TAFA1: variants seen among roughly 807,000 people sequenced by gnomAD.
TAFA1 encodes chemokine-like protein TAFA-1.
TAFA1 carries 4 observed loss-of-function variants against 18.5 expected under a neutral mutation model. The observed-to-expected ratio is 0.22, with a 90% CI of 0.11 to 0.49. TAFA1 has a LOEUF of 0.49. Ranked by LOEUF, TAFA1 falls within the 20% of genes least tolerant of loss-of-function variation. TAFA1 has a pLI of 0.98. For synonymous variants in TAFA1, 56 were observed against 55.2 expected (o/e 1.01, Z -0.06); for missense variants, 147 against 169.0 (o/e 0.87, Z 0.72).
rs377737431 is a variant in TAFA1 at position 68,255,362 on chromosome 3, G to A, written c.119-161918G>A. 5.9e-4 allele frequency among the ~76,000 whole-genome samples: 89 copies of A among 151,928 alleles called. 1 individual carries two copies. The highest frequency in any genetic ancestry group is 1.8e-3 in the African/African-American group (76 of 41,456). ...ATAATCCATTTACATTTATTGGTTC[G>A]GTTCTGATTGCAGTAATCATTAAAT... On this transcript the variant is annotated intron_variant, in intron 2 of 4. Coordinates refer to ENST00000478136, the MANE Select transcript of TAFA1 (RefSeq NM_213609.4).
At chr3:68,111,776 GAGAA>G (rs752035868) in intron 2 of TAFA1, among the ~76,000 whole-genome samples, 433 of 19,298 alleles carry the variant, frequency 0.022, 2 homozygotes, top group South Asian at 0.12. Flanking sequence ...ACACACACAT[GAGAA>G]AGAGAGAGAG....
At chr3:68,041,492 A>G (rs1273926521) in intron 2 of TAFA1, among the ~76,000 whole-genome samples, 2 of 151,794 alleles carry the variant, frequency 1.3e-5, no homozygotes, top group Middle Eastern at 3.2e-3. Flanking sequence ...TTTTTCTCCC[A>G]TTTTCCTGAT....
At chr3:68,430,823 A>C (rs1259021291) in intron 3 of TAFA1, among the ~76,000 whole-genome samples, 1 of 151,964 alleles carries the variant, frequency 6.6e-6, no homozygotes, top group Non-Finnish European at 1.5e-5. Context: ...CACACACAGC[A>C]AACAAACAAA....
At chr3:68,293,509 A>G (rs1387608128) in intron 2 of TAFA1, among the ~76,000 whole-genome samples, 1 of 152,188 alleles carries the variant, frequency 6.6e-6, no homozygotes, top group African/African-American at 2.4e-5. Context: ...CAAGGACTCA[A>G]ACCCTATTGT....
chr3:68,288,120 C>G (rs1170690963), intron 2 of TAFA1, among the ~76,000 whole-genome samples: 1 of 152,092 alleles, frequency 6.6e-6, no homozygotes, highest in East Asian at 1.9e-4. Context: ...GATCTCCCCT[C>G]TCTTTTCATG....
chr3:68,375,160 A>G (rs2069784300), intron 2 of TAFA1, among the ~76,000 whole-genome samples: 1 of 152,066 alleles, frequency 6.6e-6, no homozygotes, highest in Non-Finnish European at 1.5e-5. Context: ...AAACATAAAT[A>G]GCCTTCTAGC....
chr3:68,380,115 G>T (rs1241576502), intron 2 of TAFA1, among the ~76,000 whole-genome samples: 4 of 152,108 alleles, frequency 2.6e-5, no homozygotes, highest in Non-Finnish European at 5.9e-5. Flanking sequence ...TTTTATGGCT[G>T]CATAGTATTC....
intron 2 of TAFA1, among the ~76,000 whole-genome samples, chr3:68,209,062 C>T (rs557388581): frequency 5.3e-5 from 8 of 152,034 alleles, no homozygotes; most frequent in Middle Eastern, 3.4e-3. Flanking sequence ...GGGAAACCCA[C>T]CCAATGACTA....
intron 2 of TAFA1, among the ~76,000 whole-genome samples, chr3:68,416,050 GA>G (rs2070831068): frequency 6.6e-6 from 1 of 152,158 alleles, no homozygotes. Flanking sequence ...CTTCCTACCT[GA>G]AAGATGCAAG....
rs540293631 is a variant in TAFA1, at chr3:68,238,260, G to A, written c.119-179020G>A. On this transcript the variant is annotated intron_variant, in intron 2 of 4. Transcript: ENST00000478136. ...GGCTGGTAACACCACTACCATTAGG[G>A]CTGAGGTAGGGGACCCCAGGAAGAA... Among the ~76,000 whole-genome samples the A allele has an allele frequency of 3.3e-5, 5 of 152,282 alleles. No homozygotes were observed. The East Asian group carries it at 7.7e-4, about 24-fold the overall frequency.
chr3:68,101,602 C>A (rs1241493816), intron 2 of TAFA1, among the ~76,000 whole-genome samples: 4 of 152,010 alleles, frequency 2.6e-5, no homozygotes, highest in African/African-American at 9.7e-5. Flanking sequence ...GTAGGAATAG[C>A]CTTCCATGTT....
intron 3 of TAFA1, among the ~76,000 whole-genome samples, chr3:68,462,920 T>C (rs2071813097): frequency 6.6e-6 from 1 of 152,216 alleles, no homozygotes; most frequent in Admixed American, 6.6e-5. Context: ...TGTTTACCAT[T>C]TAGTGAATTC....
intron 3 of TAFA1, among the ~76,000 whole-genome samples, chr3:68,460,409 T>G (rs915707787): frequency 1.3e-5 from 2 of 152,076 alleles, no homozygotes; most frequent in African/African-American, 4.8e-5. Flanking sequence ...GTATAAAGGA[T>G]TTTTATTTTT....
At chr3:68,191,262 TCAA>T (rs985049167) in intron 2 of TAFA1, among the ~76,000 whole-genome samples, 1 of 151,824 alleles carries the variant, frequency 6.6e-6, no homozygotes, top group Non-Finnish European at 1.5e-5. Context: ...TATGGAATCC[TCAA>T]CAACAAGGCA....
At chr3:68,342,306 G>A (rs1414540662) in intron 2 of TAFA1, among the ~76,000 whole-genome samples, 1 of 152,196 alleles carries the variant, frequency 6.6e-6, no homozygotes, top group South Asian at 2.1e-4. Flanking sequence ...GAACAACAAA[G>A]TGCTTGTCCA....
rs2073428437 is a variant in TAFA1, at chr3:68,544,680, A to G, written c.*177A>G. 2 of 614,156 alleles carry G rather than the reference A, an allele frequency of 3.3e-6. No individual in the cohort carries two copies. The highest frequency in any genetic ancestry group is 2.5e-5 in the South Asian group (1 of 40,056). The allele number at this position is 614,156 out of a possible 1,614,324, so 38.0% of individuals were successfully genotyped here. A position where few individuals can be genotyped will look rare whatever the true frequency, so the allele number is the denominator to read the frequency against. ...GAAATATCCTACAGTGAGAAGACAC[A>G]GCGTTTTGGCAACACCATGGAAAGT... On this transcript the variant is annotated 3_prime_UTR_variant, in exon 5 of 5. Coordinates refer to ENST00000478136, the MANE Select transcript of TAFA1 (RefSeq NM_213609.4).
chr3:68,280,921 G>A (rs545790238), intron 2 of TAFA1, among the ~76,000 whole-genome samples: 3 of 152,022 alleles, frequency 2.0e-5, no homozygotes, highest in African/African-American at 4.8e-5. Flanking sequence ...ACCTAATCTC[G>A]CTACTTTTTA....
At chr3:68,110,995 C>T (rs74514422) in intron 2 of TAFA1, among the ~76,000 whole-genome samples, 20 of 152,092 alleles carry the variant, frequency 1.3e-4, no homozygotes, top group Non-Finnish European at 2.4e-4. Context: ...TTGAATGCCC[C>T]CCTCCTCCCA....
chr3:68,216,925 T>C (rs1174084183), intron 2 of TAFA1, among the ~76,000 whole-genome samples: 1 of 151,970 alleles, frequency 6.6e-6, no homozygotes, highest in Non-Finnish European at 1.5e-5. Flanking sequence ...AATGATCGAA[T>C]AAATAAATGG....
Sources: allele counts gnomAD v4.1 joint callset (sites outside exome capture counted in the v4.1 genomes callset), GRCh38; gene constraint gnomAD v4.1.1; transcripts MANE v1.5; gene names NCBI Gene and HGNC (gene_info 2026-07-23, HGNC 2026-07-21).